The following NXPE4 variants were observed in gnomAD, a reference collection of about 807,000 sequenced individuals.
NXPE4 encodes the protein neurexophilin and PC-esterase domain family member 4, also known as NXPE family member 4.
NXPE4 carries 42 observed loss-of-function variants against 33.3 expected under a neutral mutation model. The ratio of observed to expected loss-of-function variants is 1.26; its 90% CI spans 0.98 to 1.63. The LOEUF is 1.63. Ranked by LOEUF, NXPE4 falls within the 40% of genes most tolerant of loss-of-function variation. NXPE4 has a pLI of 0.00. For missense variants in NXPE4, 709 were observed against 647.6 expected, an observed-to-expected ratio of 1.09 and a Z score of -1.03; for synonymous variants, 253 against 234.9, an observed-to-expected ratio of 1.08 and a Z score of -0.71.
the NXPE4 span, among the ~76,000 whole-genome samples, chr11:114,605,734 C>T: frequency 6.6e-6 from 1 of 151,926 alleles, no homozygotes; most frequent in Admixed American, 6.6e-5. Flanking sequence ...CCACTTTGCC[C>T]AGTGGATAAT....
chr11:114,594,576 A>T, intron 2 of NXPE4, 88 bp downstream of exon 2: 1 of 819,786 alleles, frequency 1.2e-6, no homozygotes, highest in Non-Finnish European at 2.0e-6. Context: ...TATAATCTAC[A>T]AGTCTTGTAG....
chr11:114,593,936 T>C (rs1003250259), intron 2 of NXPE4, among the ~76,000 whole-genome samples: 1 of 152,134 alleles, frequency 6.6e-6, no homozygotes, highest in Non-Finnish European at 1.5e-5. Context: ...AGACAAACTT[T>C]GCATGTTCGT....
chr11:114,663,678 T>TATCTATC, the NXPE4 span, among the ~76,000 whole-genome samples: 35 of 146,060 alleles, frequency 2.4e-4, no homozygotes, highest in African/African-American at 5.4e-4. Context: ...ATCTATCTAT[T>TATCTATC]TATCTATCTA....
chr11:114,581,147 G>A (rs781375510), intron 4 of NXPE4, among the ~76,000 whole-genome samples: 6 of 152,128 alleles, frequency 3.9e-5, no homozygotes, highest in South Asian at 2.1e-4. Flanking sequence ...TGCTGAACTT[G>A]CAGAGACATA....
At chr11:114,650,663 A>G in the NXPE4 span, among the ~76,000 whole-genome samples, 11 of 152,170 alleles carry the variant, frequency 7.2e-5, 1 homozygote, top group South Asian at 2.1e-4. Context: ...CCCAGGATAT[A>G]TGCTGATATC....
At chr11:114,584,979 A>G (rs1022327967) in intron 2 of NXPE4, among the ~76,000 whole-genome samples, 1 of 152,024 alleles carries the variant, frequency 6.6e-6, no homozygotes, top group Non-Finnish European at 1.5e-5. Context: ...ACAGAAGACA[A>G]AATCCTGAAA....
chr11:114,672,419 GA>G, the NXPE4 span, among the ~76,000 whole-genome samples: 1 of 151,438 alleles, frequency 6.6e-6, no homozygotes, highest in Non-Finnish European at 1.5e-5. Flanking sequence ...GAAGAACAGA[GA>G]AAAAAAGATG....
the NXPE4 span, among the ~76,000 whole-genome samples, chr11:114,631,535 AG>A: frequency 3.2e-5 from 2 of 62,386 alleles, no homozygotes; most frequent in Non-Finnish European, 5.8e-5. Flanking sequence ...GGGTGGGGGG[AG>A]GGGGGAGGGA....
At chr11:114,663,664 T>C in the NXPE4 span, among the ~76,000 whole-genome samples, 19 of 110,950 alleles carry the variant, frequency 1.7e-4, no homozygotes, top group Non-Finnish European at 3.1e-4. Flanking sequence ...TCTATTTATC[T>C]ATCATCTATC....
Position 114,582,732 on chromosome 11 carries a change from C to A in NXPE4, c.386G>T (p.Arg129Leu), listed in dbSNP as rs774157031. ...GAAATCCCCGCCATATTGCTTCCTG[C>A]GTCCCAAGTGGTCCCTCACCTCCAG... ...ILLEVRDHLG[R>L]RKQYGGDFLR... Residue 129 changes from arginine (R) to leucine (L), a missense_variant, in exon 3 of 6, where the codon CGC becomes CTC. Arg to Leu is a moderately radical substitution (Grantham distance 102). Coordinates refer to ENST00000375478, the MANE Select transcript of NXPE4 (RefSeq NM_001077639.2). 1 of 1,614,158 alleles carries A rather than the reference C, an allele frequency of 6.2e-7. No homozygotes were observed. The highest frequency in any genetic ancestry group is 1.1e-5 in the South Asian group (1 of 91,078).
chr11:114,589,065 T>A (rs571659226), intron 2 of NXPE4, among the ~76,000 whole-genome samples: 16 of 152,170 alleles, frequency 1.1e-4, no homozygotes, highest in Admixed American at 3.9e-4. Context: ...AAGTCTGGGA[T>A]CCCTGAGGTG....
the NXPE4 span, among the ~76,000 whole-genome samples, chr11:114,622,414 G>A: frequency 6.6e-6 from 1 of 151,962 alleles, no homozygotes; most frequent in Admixed American, 6.6e-5. Context: ...CTGTTACCCG[G>A]TGTATAATAA....
At chr11:114,641,474 A>G in the NXPE4 span, among the ~76,000 whole-genome samples, 1 of 152,102 alleles carries the variant, frequency 6.6e-6, no homozygotes, top group Non-Finnish European at 1.5e-5. Context: ...CAATGAAAGT[A>G]CTTTATATCA....
At chr11:114,626,972 A>C in the NXPE4 span, among the ~76,000 whole-genome samples, 1 of 152,224 alleles carries the variant, frequency 6.6e-6, no homozygotes, top group African/African-American at 2.4e-5. Flanking sequence ...TTAGAGAAAA[A>C]AGAATAAAAA....
At chr11:114,584,067 A>G (rs963585459) in intron 2 of NXPE4, 13 of 305,838 alleles carry the variant, frequency 4.3e-5, no homozygotes, top group Admixed American at 1.6e-4. Context: ...GGTCACTTAG[A>G]TTGCTTTAAT....
At chr11:114,599,898 C>A (rs1949618408), upstream of NXPE4, among the ~76,000 whole-genome samples, 1 of 151,864 alleles carries the variant, frequency 6.6e-6, no homozygotes, top group Admixed American at 6.6e-5. Context: ...CAGATCCAAA[C>A]CATATCAGAA....
chr11:114,585,766 T>C (rs1949280927), intron 2 of NXPE4, among the ~76,000 whole-genome samples: 1 of 152,140 alleles, frequency 6.6e-6, no homozygotes, highest in South Asian at 2.1e-4. Flanking sequence ...AATCATTTCT[T>C]TTCTAACAAA....
At chr11:114,677,385 T>C in the NXPE4 span, among the ~76,000 whole-genome samples, 1 of 152,222 alleles carries the variant, frequency 6.6e-6, no homozygotes, top group Admixed American at 6.6e-5. Context: ...CATTATACAC[T>C]GTAAACACAT....
the NXPE4 span, among the ~76,000 whole-genome samples, chr11:114,654,496 T>C: frequency 2.0e-5 from 3 of 152,106 alleles, no homozygotes; most frequent in Non-Finnish European, 4.4e-5. Flanking sequence ...CAACAGGCTC[T>C]GGTGTGTGTT....
Sources: allele counts gnomAD v4.1 joint callset (sites outside exome capture counted in the v4.1 genomes callset), GRCh38; gene constraint gnomAD v4.1.1; transcripts MANE v1.5; gene names NCBI Gene and HGNC (gene_info 2026-07-23, HGNC 2026-07-21).